The following SRGAP3 variants were observed in gnomAD, a reference collection of about 807,000 sequenced individuals.
SRGAP3 encodes the protein SLIT-ROBO Rho GTPase activating protein 3, also known as SLIT-ROBO Rho GTPase-activating protein 3.
SRGAP3 carries 39 observed loss-of-function variants against 121.1 expected under a neutral mutation model. That is an observed-to-expected ratio of 0.32 (90% CI 0.25 to 0.42). The LOEUF is 0.42. Ranked by LOEUF, SRGAP3 falls within the 10% of genes least tolerant of loss-of-function variation. SRGAP3 has a pLI of 1.00. For synonymous variants in SRGAP3, 601 were observed against 570.0 expected, an observed-to-expected ratio of 1.05 and a Z score of -0.77; for missense variants, 1,213 against 1,470.6, an observed-to-expected ratio of 0.82 and a Z score of 2.86.
chr3:9,314,809 T>A (rs1459972967), intron 3 of SRGAP3, among the ~76,000 whole-genome samples: 1 of 152,132 alleles, frequency 6.6e-6, no homozygotes, highest in Non-Finnish European at 1.5e-5. Flanking sequence ...GAAACCAGCA[T>A]AGGGATTCTC....
chr3:9,139,123 C>T (rs1478326398), intron 1 of SRGAP3, among the ~76,000 whole-genome samples: 1 of 152,178 alleles, frequency 6.6e-6, no homozygotes, highest in East Asian at 1.9e-4. Flanking sequence ...TTTGCAAATC[C>T]TTTCTGCCCT....
At chr3:9,307,176 G>T (rs1955173807) in intron 3 of SRGAP3, among the ~76,000 whole-genome samples, 1 of 152,160 alleles carries the variant, frequency 6.6e-6, no homozygotes. Flanking sequence ...GTTTCACCAT[G>T]TTGGCCAGGC....
intron 1 of SRGAP3, among the ~76,000 whole-genome samples, chr3:9,164,210 T>C (rs564883484): frequency 6.6e-6 from 1 of 151,716 alleles, no homozygotes; most frequent in African/African-American, 2.4e-5. Context: ...TTGGTCAGGC[T>C]CAATGTCACT....
At chr3:9,065,710 T>C (rs1172409722) in intron 4 of SRGAP3, among the ~76,000 whole-genome samples, 1 of 152,236 alleles carries the variant, frequency 6.6e-6, no homozygotes, top group Non-Finnish European at 1.5e-5. Context: ...TGTATGGCTA[T>C]GCCACAATCT....
At chr3:9,035,285 C>T (rs918497445) in intron 11 of SRGAP3, 1 of 157,266 alleles carries the variant, frequency 6.4e-6, no homozygotes, top group Non-Finnish European at 1.4e-5. Flanking sequence ...AAAGAAAGTC[C>T]TAAGTGTTTT....
At chr3:9,153,856 C>T (rs574617885) in intron 1 of SRGAP3, among the ~76,000 whole-genome samples, 4 of 152,102 alleles carry the variant, frequency 2.6e-5, no homozygotes, top group Admixed American at 2.0e-4. Context: ...GACTGTGGCC[C>T]GACAGGCTGA....
intron 10 of SRGAP3, 33 bp downstream of exon 10, chr3:9,047,358 C>T (rs1225299246): frequency 1.9e-6 from 3 of 1,609,848 alleles, no homozygotes; most frequent in African/African-American, 1.3e-5. Flanking sequence ...GGGAACGCAG[C>T]ACCTCCCAGA....
At chr3:9,305,770 T>G (rs1436260438) in intron 3 of SRGAP3, among the ~76,000 whole-genome samples, 1 of 152,230 alleles carries the variant, frequency 6.6e-6, no homozygotes, top group African/African-American at 2.4e-5. Context: ...TAGTATTCCA[T>G]GGTGTATATG....
At chr3:9,249,702 G>A (rs66596003), upstream of SRGAP3, 12,281 of 230,732 alleles carry the variant, frequency 0.053, 594 homozygotes, top group African/African-American at 0.15. Flanking sequence ...ACTAGACTCC[G>A]CCTCCCGGAT....
At chr3:9,142,726 C>G (rs1279848758) in intron 1 of SRGAP3, among the ~76,000 whole-genome samples, 2 of 151,788 alleles carry the variant, frequency 1.3e-5, no homozygotes, top group Non-Finnish European at 2.9e-5. Context: ...CACTATGGGC[C>G]AAGCCCTGGG....
At chr3:9,028,949 A>G (rs1288380835) in intron 12 of SRGAP3, among the ~76,000 whole-genome samples, 4 of 152,158 alleles carry the variant, frequency 2.6e-5, no homozygotes, top group Non-Finnish European at 4.4e-5. Flanking sequence ...GGGGAGCGCC[A>G]TCGGCTCTTT....
At chr3:9,183,042 T>C (rs1951476800) in intron 1 of SRGAP3, among the ~76,000 whole-genome samples, 2 of 151,984 alleles carry the variant, frequency 1.3e-5, no homozygotes, top group African/African-American at 4.8e-5. Context: ...GGAAACATTC[T>C]TCTGTCACCC....
intron 9 of SRGAP3, among the ~76,000 whole-genome samples, chr3:9,050,508 A>G (rs1054787326): frequency 6.6e-6 from 1 of 152,256 alleles, no homozygotes; most frequent in African/African-American, 2.4e-5. Context: ...AATTGCATTG[A>G]TGTTTGCATT....
intron 1 of SRGAP3, among the ~76,000 whole-genome samples, chr3:9,198,291 C>T (rs1018495167): frequency 6.6e-5 from 10 of 152,166 alleles, no homozygotes; most frequent in African/African-American, 1.2e-4. Context: ...TAATGTTTGT[C>T]GTGCCTTTTA....
At chr3:9,237,530 C>T (rs2648525) in intron 1 of SRGAP3, among the ~76,000 whole-genome samples, 152,376 of 152,376 alleles carry the variant, frequency 1, 76,188 homozygotes, top group Non-Finnish European at 1. Flanking sequence ...AGTTGCTGTT[C>T]GGCTACTTAA....
intron 3 of SRGAP3, among the ~76,000 whole-genome samples, chr3:9,285,967 G>C (rs754807695): frequency 2.6e-5 from 4 of 151,452 alleles, no homozygotes; most frequent in Non-Finnish European, 5.9e-5. Flanking sequence ...TTAAAAATTA[G>C]CTCAGCTTAG....
chr3:9,251,946 G>A (rs905552655), upstream of SRGAP3, among the ~76,000 whole-genome samples: 8 of 152,164 alleles, frequency 5.3e-5, no homozygotes, highest in Admixed American at 3.9e-4. Context: ...GATCCAACAC[G>A]ATCATGGATT....
chr3:9,064,385 C>T lies in SRGAP3; in HGVS notation c.672+11G>A. Reference sequence around the variant, plus strand: ...GTCCCCAATCGCTCCCAGCCCAGGGCCCCCACTCACCTTCTCCTTCATCTT... The same window carrying T: ...GTCCCCAATCGCTCCCAGCCCAGGGTCCCCACTCACCTTCTCCTTCATCTT... On this transcript the variant is annotated intron_variant, in intron 5 of 21. Transcript: ENST00000383836. The T allele has an allele frequency of 6.2e-7, 1 of 1,614,194 alleles. No individual in the cohort carries two copies. Among genetic ancestry groups the T allele is most frequent in the Non-Finnish European group, 8.5e-7 (1 of 1,180,012 alleles).
chr3:9,306,555 A>G (rs540679349), intron 3 of SRGAP3, among the ~76,000 whole-genome samples: 1 of 152,330 alleles, frequency 6.6e-6, no homozygotes, highest in African/African-American at 2.4e-5. Context: ...TAGGTATAAC[A>G]TTTAAGTCTT....
Sources: gnomAD v4.1 joint callset for allele counts (sites outside exome capture counted in the v4.1 genomes callset) on GRCh38, gnomAD v4.1.1 for gene constraint, MANE v1.5 for transcripts, NCBI Gene and HGNC (gene_info 2026-07-23, HGNC 2026-07-21) for gene names.